The following CUX1 variants were observed in gnomAD, a reference collection of about 807,000 sequenced individuals.
CUX1 encodes cut like homeobox 1.
In CUX1, 31 loss-of-function variants were observed where a neutral mutation model predicts 158.8. That is an observed-to-expected ratio of 0.20 (90% CI 0.15 to 0.26). The LOEUF (loss-of-function observed/expected upper bound fraction) is 0.26. Ranked by LOEUF, CUX1 falls within the 10% of genes least tolerant of loss-of-function variation. The pLI is 1.00. For synonymous variants in CUX1, 879 were observed against 862.1 expected, an observed-to-expected ratio of 1.02 and a Z score of -0.34; for missense variants, 1,589 against 2,014.6, an observed-to-expected ratio of 0.79 and a Z score of 4.04.
At chr7:101,929,756 C>T (rs1300340643) in intron 2 of CUX1, among the ~76,000 whole-genome samples, 1 of 152,134 alleles carries the variant, frequency 6.6e-6, no homozygotes, top group Non-Finnish European at 1.5e-5. Flanking sequence ...CACCCACCTA[C>T]CAGGATTTTC....
upstream of CUX1, chr7:101,817,536 C>T (rs2130865561): frequency 2.4e-6 from 3 of 1,245,196 alleles, no homozygotes; most frequent in East Asian, 6.8e-5. This position sits in a 1 kb window ranked among gnomAD's most constrained non-coding sequence, Gnocchi z 4.1. Flanking sequence ...GAGTGCCTGC[C>T]TGCCACCCCC....
chr7:102,040,846 CA>C (rs1450981883), intron 3 of CUX1, among the ~76,000 whole-genome samples: 4 of 152,218 alleles, frequency 2.6e-5, no homozygotes, highest in African/African-American at 9.6e-5. Context: ...CGACTTTGCT[CA>C]TCTGTAAAAC....
intron 23 of CUX1, among the ~76,000 whole-genome samples, chr7:102,243,498 A>T (rs1216208679): frequency 6.6e-6 from 1 of 151,944 alleles, no homozygotes; most frequent in Non-Finnish European, 1.5e-5. Context: ...GCAACGAAAC[A>T]GGTGGAAGGA....
chr7:102,076,130 C>T (rs782250694), intron 4 of CUX1, among the ~76,000 whole-genome samples: 2 of 152,142 alleles, frequency 1.3e-5, no homozygotes, highest in South Asian at 4.1e-4. Flanking sequence ...CGCCTGTAAC[C>T]CCAGCACTTT....
At chr7:102,198,920 T>C (rs1795091240) in intron 16 of CUX1, 53 bp downstream of exon 16, 1 of 1,487,756 alleles carries the variant, frequency 6.7e-7, no homozygotes, top group South Asian at 1.1e-5. Flanking sequence ...GGAAGCAGCA[T>C]GTCCTTAGCT....
intron 2 of CUX1, among the ~76,000 whole-genome samples, chr7:101,936,628 G>A (rs1488350671): frequency 6.6e-6 from 1 of 152,186 alleles, no homozygotes; most frequent in African/African-American, 2.4e-5. Flanking sequence ...CCCGGCTGCC[G>A]TGGGTGGTCT....
chr7:102,112,431 C>T (rs184928550), intron 7 of CUX1, among the ~76,000 whole-genome samples: 6 of 152,054 alleles, frequency 3.9e-5, no homozygotes, highest in East Asian at 1.9e-4. Context: ...TTAGTAGAGA[C>T]GAGGTTTCAT....
At chr7:102,203,158 G>C (rs184033235) in intron 18 of CUX1, among the ~76,000 whole-genome samples, 159 of 152,174 alleles carry the variant, frequency 1.0e-3, no homozygotes, top group African/African-American at 3.7e-3. Flanking sequence ...GTCGAGTCAG[G>C]GTTTCACCAT....
intron 3 of CUX1, among the ~76,000 whole-genome samples, chr7:102,057,836 G>A (rs7802561): frequency 0.017 from 2,525 of 152,338 alleles, 84 homozygotes; most frequent in African/African-American, 0.058. Flanking sequence ...TGATAAAGCA[G>A]TGACTGGGTT....
intron 4 of CUX1, among the ~76,000 whole-genome samples, chr7:102,075,007 C>T (rs999488683): frequency 1.4e-4 from 21 of 151,986 alleles, no homozygotes; most frequent in Non-Finnish European, 2.1e-4. Flanking sequence ...TACAGGCGTG[C>T]GCCACCACAC....
At position 102,254,041 on chromosome 7, in the gene CUX1, A is replaced by G. The variant is rs1801807302; in HGVS notation, c.*4999A>G. On this transcript the variant is annotated 3_prime_UTR_variant, in exon 24 of 24. Transcript: ENST00000292535. ...AAAAGCTGCCAGCGCAGCAGACACG[A>G]ACATCCCTCTGCCTGGTGGGCCGGC... The G allele has an allele frequency of 1.0e-6, 1 of 985,382 alleles. No individual in the cohort carries two copies. The highest frequency in any genetic ancestry group is 6.1e-5 in the Admixed American group (1 of 16,270). 61.0% of individuals were successfully genotyped at this position (985,382 alleles called of 1,614,324 possible).
At chr7:102,029,352 GAGATA>G (rs567233701) in intron 3 of CUX1, among the ~76,000 whole-genome samples, 1 of 152,016 alleles carries the variant, frequency 6.6e-6, no homozygotes, top group Non-Finnish European at 1.5e-5. Flanking sequence ...AGGGACAGGA[GAGATA>G]TGGCCGTGAG....
chr7:102,186,124 C>T (rs1183248027), intron 11 of CUX1, among the ~76,000 whole-genome samples: 1 of 152,086 alleles, frequency 6.6e-6, no homozygotes, highest in Non-Finnish European at 1.5e-5. Flanking sequence ...AGTTTCTGAT[C>T]GAAGAACCGC....
At chr7:101,835,190 TCATCTATTCTCTG>T (rs1038689048) in intron 1 of CUX1, among the ~76,000 whole-genome samples, 5 of 152,090 alleles carry the variant, frequency 3.3e-5, no homozygotes, top group East Asian at 3.9e-4. Context: ...CCGTAACCAT[TCATCTATTCTCTG>T]CATCTATTCT....
chr7:101,993,790 C>A (rs757354455), intron 2 of CUX1, among the ~76,000 whole-genome samples: 2 of 152,178 alleles, frequency 1.3e-5, no homozygotes, highest in South Asian at 4.1e-4. Flanking sequence ...CTGCCCCTCC[C>A]GGTGCAGACT....
chr7:101,965,273 G>A (rs929809622), intron 2 of CUX1, among the ~76,000 whole-genome samples: 1 of 152,182 alleles, frequency 6.6e-6, no homozygotes, highest in East Asian at 1.9e-4. Flanking sequence ...GGCACTGTGC[G>A]GCGGGGAGGG....
intron 2 of CUX1, among the ~76,000 whole-genome samples, chr7:102,004,341 G>T (rs1817064066): frequency 1.3e-5 from 2 of 152,314 alleles, no homozygotes; most frequent in South Asian, 2.1e-4. Flanking sequence ...TGAAGAGGTT[G>T]CCCTGACCTG....
intron 21 of CUX1, 72 bp downstream of exon 21, chr7:102,227,741 C>T: frequency 2.7e-6 from 4 of 1,497,332 alleles, no homozygotes; most frequent in Non-Finnish European, 3.6e-6. Context: ...GAAGGGCGGG[C>T]CCTAGGCCAA....
intron 2 of CUX1, among the ~76,000 whole-genome samples, chr7:102,020,875 G>T (rs28457776): frequency 2.7e-5 from 4 of 149,556 alleles, no homozygotes; most frequent in Non-Finnish European, 4.4e-5. Flanking sequence ...AGCAAAACTC[G>T]GTTTGGAAAA....
Sources: allele counts gnomAD v4.1 joint callset (sites outside exome capture counted in the v4.1 genomes callset), GRCh38; gene constraint gnomAD v4.1.1; non-coding constraint Gnocchi (gnomAD v3.1); transcripts MANE v1.5; gene names NCBI Gene and HGNC (gene_info 2026-07-23, HGNC 2026-07-21).